The following ESR1 variants were observed in gnomAD, a reference collection of about 807,000 sequenced individuals.
The protein encoded by ESR1 is estrogen receptor 1, also known as estrogen receptor.
In ESR1, 12 loss-of-function variants were observed where a neutral mutation model predicts 52.7. The ratio of observed to expected loss-of-function variants is 0.23; its 90% CI spans 0.15 to 0.37. The LOEUF is 0.37. Among genes scored for constraint, ESR1 ranks in the 10% least tolerant of loss-of-function variants. ESR1 has a pLI of 1.00. For synonymous variants in ESR1, 305 were observed against 316.8 expected (o/e 0.96, Z 0.39); for missense variants, 584 against 779.7 (o/e 0.75, Z 2.99).
chr6:152,106,653 A>G (rs1015415804), downstream of ESR1, among the ~76,000 whole-genome samples: 3 of 152,190 alleles, frequency 2.0e-5, no homozygotes, highest in South Asian at 2.1e-4. Context: ...CAGTGGCACA[A>G]TCTCAGCTCA....
At chr6:152,044,755 G>A (rs898170596) in intron 5 of ESR1, among the ~76,000 whole-genome samples, 1 of 152,152 alleles carries the variant, frequency 6.6e-6, no homozygotes, top group Non-Finnish European at 1.5e-5. Context: ...GCCTGTTTTT[G>A]TCCTAGCCAT....
intron 3 of ESR1, among the ~76,000 whole-genome samples, chr6:151,904,721 A>C (rs916469903): frequency 2.0e-5 from 3 of 152,212 alleles, no homozygotes; most frequent in Non-Finnish European, 4.4e-5. Context: ...TTAACTTGTT[A>C]TGTTTACTCT....
At chr6:152,003,340 ATGTGTGTGTG>A (rs60787638) in intron 4 of ESR1, among the ~76,000 whole-genome samples, 101 of 145,644 alleles carry the variant, frequency 6.9e-4, no homozygotes, top group Middle Eastern at 3.4e-3. Context: ...AAGGGTAATT[ATGTGTGTGTG>A]TGTGTGTGTG....
At chr6:151,900,246 G>C (rs1796472038) in intron 3 of ESR1, among the ~76,000 whole-genome samples, 1 of 152,196 alleles carries the variant, frequency 6.6e-6, no homozygotes, top group South Asian at 2.1e-4. Flanking sequence ...AGACTTTCAA[G>C]AACATTTTGC....
chr6:152,018,837 A>AG (rs2043379950), intron 5 of ESR1, among the ~76,000 whole-genome samples: 2 of 119,112 alleles, frequency 1.7e-5, no homozygotes, highest in African/African-American at 8.8e-5. Flanking sequence ...GAGTAAAAAA[A>AG]GAAAAAAAAA....
chr6:151,686,064 A>ATTTTTTTTTTTTTTTTTTTTTTT (rs557270210), upstream of ESR1, among the ~76,000 whole-genome samples: 130 of 114,308 alleles, frequency 1.1e-3, 5 homozygotes, highest in African/African-American at 5.1e-3. Flanking sequence ...AATTAAAACA[A>ATTTTTTTTTTTTTTTTTTTTTTT]TTTTTTTTTT....
Position 151,807,978 on chromosome 6 carries a change from G to A in ESR1, c.66G>A (p.Glu22=), listed in dbSNP as rs2128155478. 3 of 1,614,016 alleles carry A rather than the reference G, an allele frequency of 1.9e-6. No homozygotes were observed. The highest frequency in any genetic ancestry group is 1.7e-6 in the Non-Finnish European group (2 of 1,180,006). The change falls in exon 1 of 8, where the codon GAG becomes GAA. Residue 22 remains glutamate, a synonymous_variant. Coordinates refer to ENST00000206249, the MANE Select transcript of ESR1 (RefSeq NM_000125.4). ...MALLHQIQGN[E]LEPLNRPQLK... is the part of the protein sequence containing the mutation. Reference sequence around the variant, plus strand: ...TACTGCATCAGATCCAAGGGAACGAGCTGGAGCCCCTGAACCGTCCGCAGC... The same window carrying A: ...TACTGCATCAGATCCAAGGGAACGAACTGGAGCCCCTGAACCGTCCGCAGC...
At chr6:151,723,466 CAG>C (rs1781605377) in intron 2 of ESR1, among the ~76,000 whole-genome samples, 1 of 152,216 alleles carries the variant, frequency 6.6e-6, no homozygotes, top group Non-Finnish European at 1.5e-5. Context: ...TCTGTCTTCT[CAG>C]GGAAACATTT....
At chr6:152,085,658 C>T (rs1054019390) in intron 6 of ESR1, among the ~76,000 whole-genome samples, 2 of 152,120 alleles carry the variant, frequency 1.3e-5, no homozygotes, top group Non-Finnish European at 2.9e-5. Context: ...GACACTAGAC[C>T]TCTCACAAAG....
intron 2 of ESR1, among the ~76,000 whole-genome samples, chr6:151,775,375 C>T (rs1472769066): frequency 1.3e-5 from 2 of 152,242 alleles, no homozygotes; most frequent in Middle Eastern, 3.4e-3. Context: ...GTCATCTTGG[C>T]CCTCAAAAAG....
chr6:151,784,503 T>C (rs1016566888), intron 2 of ESR1, among the ~76,000 whole-genome samples: 5 of 152,246 alleles, frequency 3.3e-5, no homozygotes, highest in African/African-American at 1.2e-4. Flanking sequence ...CTTTGTACCA[T>C]GTTTCCATCA....
Position 152,034,565 on chromosome 6 carries a change from TA to T in ESR1, c.1235+22773del, listed in dbSNP as rs570153133. On this transcript the variant is annotated intron_variant, in intron 5 of 7. Coordinates refer to ENST00000206249, the MANE Select transcript of ESR1 (RefSeq NM_000125.4). Reference sequence around the variant, plus strand: ...TTTAGAAATTCAGTTCTAAAGTGTTTAATTTCTCGTATTTTTTTTTCTGTTG... The same window carrying T: ...TTTAGAAATTCAGTTCTAAAGTGTTTATTTCTCGTATTTTTTTTTCTGTTG... Among the ~76,000 whole-genome samples, 464 of 152,304 alleles carry T rather than the reference TA, an allele frequency of 3.0e-3. 6 individuals are homozygous for T. Among genetic ancestry groups the T allele is most frequent in the African/African-American group, 0.011 (439 of 41,578 alleles).
intron 1 of ESR1, among the ~76,000 whole-genome samples, chr6:151,661,364 A>G (rs777899002): frequency 1.3e-5 from 2 of 152,136 alleles, no homozygotes; most frequent in Non-Finnish European, 2.9e-5. Context: ...GTGGAGGGTA[A>G]AGTTTAGCCT....
chr6:152,060,916 C>G, intron 5 of ESR1, 75 bp from the exon 6 acceptor site: 2 of 1,247,468 alleles, frequency 1.6e-6, no homozygotes, highest in Non-Finnish European at 2.3e-6. Flanking sequence ...AATGTGAACC[C>G]TTTCATGTCT....
At chr6:152,052,676 G>C (rs1457626704) in intron 5 of ESR1, among the ~76,000 whole-genome samples, 1 of 152,112 alleles carries the variant, frequency 6.6e-6, no homozygotes, top group Non-Finnish European at 1.5e-5. Flanking sequence ...AAGGAGGAAA[G>C]AGTAGAGCAT....
chr6:152,103,099 T>C lies in ESR1; in HGVS notation c.*4133T>C, dbSNP rs1171777727. The C allele has an allele frequency of 9.1e-6, 2 of 219,366 alleles. No homozygotes were observed. Among genetic ancestry groups the C allele is most frequent in the Non-Finnish European group, 1.8e-5 (2 of 109,196 alleles). 13.6% of individuals were successfully genotyped at this position (219,366 alleles called of 1,614,324 possible). ...TTGTGTTTGATGGATTAATATGCCC[T>C]TTTGCCGATGCATACTATTACTGAT... On this transcript the variant is annotated 3_prime_UTR_variant, in exon 8 of 8. Coordinates refer to ENST00000206249, the MANE Select transcript of ESR1 (RefSeq NM_000125.4).
At chr6:151,983,296 G>A (rs1292229175) in intron 4 of ESR1, among the ~76,000 whole-genome samples, 1 of 152,150 alleles carries the variant, frequency 6.6e-6, no homozygotes, top group Non-Finnish European at 1.5e-5. Context: ...TCTTTTGAAA[G>A]CATGTGAAGG....
At chr6:152,023,985 G>T (rs1310292412) in intron 5 of ESR1, among the ~76,000 whole-genome samples, 1 of 152,070 alleles carries the variant, frequency 6.6e-6, no homozygotes, top group Non-Finnish European at 1.5e-5. Context: ...AGTTATAATT[G>T]CATTCACTTA....
intron 6 of ESR1, among the ~76,000 whole-genome samples, chr6:152,085,140 A>G (rs984986499): frequency 1.3e-5 from 2 of 152,048 alleles, no homozygotes; most frequent in Non-Finnish European, 2.9e-5. Flanking sequence ...AGTGTCTGGC[A>G]TAGATGTCTA....
Sources: gnomAD v4.1 joint callset for allele counts (sites outside exome capture counted in the v4.1 genomes callset) on GRCh38, gnomAD v4.1.1 for gene constraint, MANE v1.5 for transcripts, NCBI Gene and HGNC (gene_info 2026-07-23, HGNC 2026-07-21) for gene names.